The following LIFR variants were observed in gnomAD, a reference collection of about 807,000 sequenced individuals.
The protein encoded by LIFR is LIF receptor subunit alpha.
Under a neutral mutation model 122.2 loss-of-function variants are expected in LIFR, and 84 were observed. The observed-to-expected ratio is 0.69, with a 90% confidence interval of 0.58 to 0.82. The LOEUF (loss-of-function observed/expected upper bound fraction) is 0.82, where lower values mean the gene tolerates loss of function less well. Among genes scored for constraint, LIFR ranks in the 40% least tolerant of loss-of-function variants. The pLI is 0.00. For synonymous variants in LIFR, 422 were observed against 434.7 expected (o/e 0.97, Z 0.36); for missense variants, 1,294 against 1,311.6 (o/e 0.99, Z 0.21).
At chr5:38,605,832 C>T (rs1368863376) in intron 2 of LIFR, among the ~76,000 whole-genome samples, 2 of 152,160 alleles carry the variant, frequency 1.3e-5, no homozygotes, top group Non-Finnish European at 2.9e-5. Flanking sequence ...TGGAATCCCT[C>T]TCCTCGCTTG....
rs560124949 is a variant in LIFR, at chr5:38,480,130, CA to C, written c.*1464del. 6.2e-5 allele frequency: 14 copies of C among 225,174 alleles called. No homozygotes were observed. The highest frequency in any genetic ancestry group is 8.7e-5 in the Non-Finnish European group (10 of 114,450). The allele number at this position is 225,174 out of a possible 1,614,324, so 13.9% of individuals were successfully genotyped here. A position where few individuals can be genotyped will look rare whatever the true frequency, so the allele number is the denominator to read the frequency against. Reference sequence around the variant, plus strand: ...AGATGATAAAAAACAAACAAACAACCAAAAAAAACAAACAAAAAAGACATAT... The same window carrying C: ...AGATGATAAAAAACAAACAAACAACCAAAAAAACAAACAAAAAAGACATAT... On this transcript the variant is annotated 3_prime_UTR_variant, in exon 20 of 20. Transcript: ENST00000453190.
At chr5:38,575,621 C>A (rs1043565073) in intron 1 of LIFR, among the ~76,000 whole-genome samples, 2 of 152,148 alleles carry the variant, frequency 1.3e-5, no homozygotes, top group African/African-American at 4.8e-5. Context: ...TGTCAGAAAT[C>A]CACTAATGGC....
At chr5:38,545,333 G>A (rs1298927830) in intron 1 of LIFR, among the ~76,000 whole-genome samples, 1 of 151,782 alleles carries the variant, frequency 6.6e-6, no homozygotes. Context: ...CATATTTGGA[G>A]ATGTAGACAT....
At chr5:38,544,958 T>C (rs545908515) in intron 1 of LIFR, among the ~76,000 whole-genome samples, 53 of 152,336 alleles carry the variant, frequency 3.5e-4, no homozygotes, top group Non-Finnish European at 6.3e-4. Flanking sequence ...CATGGAAGAT[T>C]ATTAATATAA....
chr5:38,552,157 A>AG (rs1414908411), intron 1 of LIFR, among the ~76,000 whole-genome samples: 2 of 152,236 alleles, frequency 1.3e-5, no homozygotes, highest in Non-Finnish European at 2.9e-5. Flanking sequence ...TGTCTTAAGT[A>AG]GAAACTGCTT....
chr5:38,584,612 GA>G (rs111355677), intron 1 of LIFR, among the ~76,000 whole-genome samples: 28 of 147,924 alleles, frequency 1.9e-4, no homozygotes, highest in African/African-American at 3.7e-4. Context: ...GCCAGACACA[GA>G]AAAAAAAAAT....
At chr5:38,540,168 A>G (rs1747512129) in intron 1 of LIFR, among the ~76,000 whole-genome samples, 1 of 152,126 alleles carries the variant, frequency 6.6e-6, no homozygotes. Flanking sequence ...TAAATCACCT[A>G]ACATCTCAGG....
At chr5:38,545,226 C>T (rs1195519251) in intron 1 of LIFR, among the ~76,000 whole-genome samples, 3 of 151,248 alleles carry the variant, frequency 2.0e-5, no homozygotes, top group Non-Finnish European at 2.9e-5. Flanking sequence ...GCCAAGATCA[C>T]GCCATTGCAC....
intron 16 of LIFR, among the ~76,000 whole-genome samples, chr5:38,488,529 T>C (rs1267037791): frequency 6.6e-6 from 1 of 152,210 alleles, no homozygotes; most frequent in Admixed American, 6.5e-5. Flanking sequence ...TATTTGTAAA[T>C]CTGAGAATTC....
intron 16 of LIFR, 82 bp downstream of exon 16, chr5:38,488,996 G>A: frequency 6.9e-6 from 8 of 1,158,410 alleles, no homozygotes; most frequent in South Asian, 2.5e-5. Flanking sequence ...CTAAACTACT[G>A]AGCAGGACTT....
At chr5:38,547,899 T>C (rs1325677314) in intron 1 of LIFR, among the ~76,000 whole-genome samples, 2 of 152,114 alleles carry the variant, frequency 1.3e-5, no homozygotes, top group African/African-American at 4.8e-5. Flanking sequence ...AAGGCAACTG[T>C]AACAGAACGG....
chr5:38,533,821 CAGA>C (rs1246408076), intron 1 of LIFR, among the ~76,000 whole-genome samples: 1 of 152,090 alleles, frequency 6.6e-6, no homozygotes, highest in Admixed American at 6.5e-5. Flanking sequence ...GCCTTGTGTG[CAGA>C]AGGAGGCCTC....
At chr5:38,528,897 A>C (rs1746851190) in intron 2 of LIFR, 57 bp from the exon 3 acceptor site, 3 of 1,005,060 alleles carry the variant, frequency 3.0e-6, no homozygotes, top group Non-Finnish European at 4.6e-6. Context: ...TAAACACAGA[A>C]TATGCTGAAT....
chr5:38,492,192 T>C (rs1235349051), intron 14 of LIFR, among the ~76,000 whole-genome samples: 1 of 152,222 alleles, frequency 6.6e-6, no homozygotes, highest in Non-Finnish European at 1.5e-5. Context: ...ACTAATTTTG[T>C]GACCTTGGAA....
At chr5:38,558,718 T>C (rs1289492674), upstream of LIFR, 3 of 152,222 alleles carry the variant, frequency 2.0e-5, no homozygotes, top group East Asian at 1.9e-4. Flanking sequence ...AAGTACCTTC[T>C]TCACAAGGAA....
chr5:38,547,217 G>A (rs888925862), intron 1 of LIFR, among the ~76,000 whole-genome samples: 6 of 152,110 alleles, frequency 3.9e-5, no homozygotes, highest in Non-Finnish European at 7.4e-5. Flanking sequence ...CCAGTGTGAC[G>A]AGATAGATAG....
chr5:38,582,123 T>C (rs1196120385), intron 1 of LIFR, among the ~76,000 whole-genome samples: 1 of 151,684 alleles, frequency 6.6e-6, no homozygotes, highest in Non-Finnish European at 1.5e-5. Flanking sequence ...TGCAGTCTCA[T>C]GATCATAGAT....
chr5:38,599,065 A>G (rs59392758), upstream of LIFR, among the ~76,000 whole-genome samples: 6,769 of 152,162 alleles, frequency 0.044, 530 homozygotes, highest in African/African-American at 0.15. Context: ...ATCTAGACCT[A>G]TGGCCAGAAA....
chr5:38,580,381 C>T (rs1561224002), intron 1 of LIFR, among the ~76,000 whole-genome samples: 1 of 152,140 alleles, frequency 6.6e-6, no homozygotes, highest in Non-Finnish European at 1.5e-5. Flanking sequence ...CCCATCCTCT[C>T]TTCTCTCCCT....
Sources: gnomAD v4.1 joint callset for allele counts (sites outside exome capture counted in the v4.1 genomes callset) on GRCh38, gnomAD v4.1.1 for gene constraint, MANE v1.5 for transcripts, NCBI Gene and HGNC (gene_info 2026-07-23, HGNC 2026-07-21) for gene names.